The following DIAPH3 variants were observed in gnomAD, a reference collection of about 807,000 sequenced individuals.
The protein encoded by DIAPH3 is diaphanous related formin 3, also known as protein diaphanous homolog 3.
A neutral mutation model predicts 144.3 loss-of-function variants in DIAPH3; 117 were observed. That is an observed-to-expected ratio of 0.81 (90% confidence interval 0.70 to 0.95). DIAPH3 has a LOEUF of 0.95. DIAPH3 is among the 40% of genes least tolerant of loss of function. The pLI is 0.00. For synonymous variants in DIAPH3, 519 were observed against 488.9 expected, an observed-to-expected ratio of 1.06 and a Z score of -0.81; for missense variants, 1,421 against 1,412.7, an observed-to-expected ratio of 1.01 and a Z score of -0.09.
chr13:59,807,922 C>T (rs1171684516), intron 25 of DIAPH3, among the ~76,000 whole-genome samples: 1 of 151,804 alleles, frequency 6.6e-6, no homozygotes, highest in Non-Finnish European at 1.5e-5. Flanking sequence ...CATAAACCAG[C>T]TATTAAACAC....
intron 24 of DIAPH3, among the ~76,000 whole-genome samples, chr13:59,827,304 A>G (rs1215615750): frequency 6.6e-6 from 1 of 152,182 alleles, no homozygotes; most frequent in African/African-American, 2.4e-5. Flanking sequence ...GCTAATATCC[A>G]GAATCTACAA....
chr13:59,747,643 C>G lies in DIAPH3; in HGVS notation c.3319+26546G>C, dbSNP rs949663559. 2.6e-5 allele frequency among the ~76,000 whole-genome samples: 4 copies of G among 152,266 alleles called. No individual in the cohort carries two copies. The South Asian group carries it at 8.3e-4, about 32-fold the overall frequency. On this transcript the variant is annotated intron_variant, in intron 27 of 27. Transcript: ENST00000400324. ...AAGCTGGAAGGAGAGGGCCATATAA[C>G]CTCATGAGCACCCAGACAAGATTTC...
chr13:59,943,071 T>G (rs73545321), intron 17 of DIAPH3, among the ~76,000 whole-genome samples: 220 of 152,318 alleles, frequency 1.4e-3, no homozygotes, highest in African/African-American at 5.1e-3. Context: ...TGTAATAATC[T>G]CGTTCTCTTA....
chr13:59,783,251 C>T (rs1406219863), intron 25 of DIAPH3, among the ~76,000 whole-genome samples: 5 of 152,054 alleles, frequency 3.3e-5, no homozygotes, highest in South Asian at 2.1e-4. Flanking sequence ...TCTTGGTATC[C>T]GTGGTTGTGA....
At chr13:59,842,606 C>G (rs1380171994) in intron 22 of DIAPH3, among the ~76,000 whole-genome samples, 1 of 152,104 alleles carries the variant, frequency 6.6e-6, no homozygotes, top group Non-Finnish European at 1.5e-5. Context: ...CTCACTCCCA[C>G]AAAACTACCC....
At chr13:59,913,826 C>T (rs1049869111) in intron 19 of DIAPH3, among the ~76,000 whole-genome samples, 2 of 151,802 alleles carry the variant, frequency 1.3e-5, no homozygotes, top group Admixed American at 1.3e-4. Flanking sequence ...GGAGTGGTGG[C>T]GGGTGCCTGA....
At chr13:59,885,272 AC>A (rs961999308) in intron 20 of DIAPH3, among the ~76,000 whole-genome samples, 4 of 151,980 alleles carry the variant, frequency 2.6e-5, no homozygotes, top group Non-Finnish European at 5.9e-5. Context: ...GCTGGCATAA[AC>A]CCCAGAATCA....
chr13:59,874,926 T>C (rs892669214), intron 21 of DIAPH3, among the ~76,000 whole-genome samples: 13 of 152,126 alleles, frequency 8.5e-5, no homozygotes, highest in African/African-American at 3.1e-4. Context: ...ATTAAACACA[T>C]GTTATGGTTA....
At chr13:59,961,174 A>G (rs2049732552) in intron 17 of DIAPH3, among the ~76,000 whole-genome samples, 1 of 152,228 alleles carries the variant, frequency 6.6e-6, no homozygotes, top group South Asian at 2.1e-4. Context: ...GAAGATTCAG[A>G]GATGATACAC....
At chr13:59,945,402 G>A (rs2048747579) in intron 17 of DIAPH3, among the ~76,000 whole-genome samples, 3 of 152,090 alleles carry the variant, frequency 2.0e-5, no homozygotes, top group African/African-American at 7.2e-5. Flanking sequence ...TGTATCCCAG[G>A]AGCTAGGACA....
Position 59,974,456 on chromosome 13 carries a change from AC to A in DIAPH3, c.1546-1del. ...TGGTGGTCGGTAAACTCTTTTTCAA[AC>A]TGAAACAAATTAAAAATAATAACAA... On this transcript the variant is annotated splice_acceptor_variant, in intron 14 of 27. Transcript: ENST00000400324. LOFTEE classifies it high-confidence loss of function. 1 of 1,606,640 alleles carries A rather than the reference AC, an allele frequency of 6.2e-7. No homozygotes were observed. Among genetic ancestry groups the A allele is most frequent in the Non-Finnish European group, 8.5e-7 (1 of 1,176,172 alleles).
intron 27 of DIAPH3, among the ~76,000 whole-genome samples, chr13:59,712,253 C>G (rs908023281): frequency 6.6e-6 from 1 of 152,338 alleles, no homozygotes; most frequent in East Asian, 1.9e-4. Flanking sequence ...GAACAACCTT[C>G]TAGTTCTCCA....
intron 27 of DIAPH3, among the ~76,000 whole-genome samples, chr13:59,757,549 C>T (rs899680369): frequency 8.6e-5 from 13 of 151,620 alleles, no homozygotes; most frequent in African/African-American, 2.7e-4. Context: ...TACAGGCGCC[C>T]GCCACCACGC....
intron 19 of DIAPH3, among the ~76,000 whole-genome samples, 155 bp from the exon 20 acceptor site, chr13:59,911,991 C>T (rs1199231146): frequency 2.6e-5 from 4 of 152,120 alleles, no homozygotes; most frequent in African/African-American, 9.7e-5. Flanking sequence ...GCAAAATTCC[C>T]TGCATCTTGA....
chr13:60,077,574 A>C (rs189179815), intron 4 of DIAPH3, among the ~76,000 whole-genome samples: 63 of 152,250 alleles, frequency 4.1e-4, no homozygotes, highest in Admixed American at 6.5e-5. Context: ...TCAATTTCAG[A>C]GTACTCTAAG....
intron 9 of DIAPH3, among the ~76,000 whole-genome samples, chr13:59,998,351 A>G (rs923951722): frequency 2.6e-5 from 4 of 152,074 alleles, no homozygotes; most frequent in African/African-American, 9.7e-5. Context: ...TTTTCGTATG[A>G]AATGTTAGAT....
intron 27 of DIAPH3, among the ~76,000 whole-genome samples, chr13:59,723,743 T>C (rs1225831214): frequency 6.6e-6 from 1 of 151,988 alleles, no homozygotes; most frequent in Non-Finnish European, 1.5e-5. Flanking sequence ...CCCAAGTAGC[T>C]GGGACTACAG....
chr13:59,970,133 CTGAGTATCATAG>C, intron 16 of DIAPH3, 75 bp from the exon 17 acceptor site: 1 of 737,050 alleles, frequency 1.4e-6, no homozygotes, highest in Non-Finnish European at 2.3e-6. Flanking sequence ...TATGCATACA[CTGAGTATCATAG>C]CTGTCAGCAG....
rs149412682 is a variant in DIAPH3, at chr13:60,080,639, AT to A, written c.495+12988del. Reference sequence around the variant, plus strand: ...CCAATACGTTTGACTTGTCATACTCATTTTTTTTCTTAAAAATGGAATGAAA... The same window carrying A: ...CCAATACGTTTGACTTGTCATACTCATTTTTTTCTTAAAAATGGAATGAAA... On this transcript the variant is annotated intron_variant, in intron 4 of 27. Transcript: ENST00000400324. Among the ~76,000 whole-genome samples the A allele has an allele frequency of 7.8e-3, 1,187 of 151,772 alleles. 15 individuals carry two copies. Among genetic ancestry groups the A allele is most frequent in the African/African-American group, 0.027 (1,099 of 41,428 alleles).
Sources: allele counts gnomAD v4.1 joint callset (sites outside exome capture counted in the v4.1 genomes callset), GRCh38; gene constraint gnomAD v4.1.1; transcripts MANE v1.5; gene names NCBI Gene and HGNC (gene_info 2026-07-23, HGNC 2026-07-21).